Variants in SSR1 observed in about 807,000 individuals in gnomAD.
The protein encoded by SSR1 is signal sequence receptor subunit 1, also known as translocon-associated protein subunit alpha.
A neutral mutation model predicts 36.1 loss-of-function variants in SSR1; 13 were observed. The observed-to-expected ratio is 0.36, with a 90% CI of 0.23 to 0.57. The LOEUF (loss-of-function observed/expected upper bound fraction) is 0.57. Among genes scored for constraint, SSR1 ranks in the 20% least tolerant of loss-of-function variants. The pLI, the probability that SSR1 is intolerant of heterozygous loss-of-function variation, is 0.81. For missense variants in SSR1, 291 were observed against 338.5 expected, an observed-to-expected ratio of 0.86 and a Z score of 1.10; for synonymous variants, 113 against 118.9, an observed-to-expected ratio of 0.95 and a Z score of 0.32.
chr6:7,309,954 T>C lies in SSR1; in HGVS notation c.155A>G (p.Asp52Gly). 1 of 1,614,062 alleles carries C rather than the reference T, an allele frequency of 6.2e-7. No individual in the cohort carries two copies. The highest frequency in any genetic ancestry group is 1.1e-5 in the South Asian group (1 of 91,086). ...TTCATCTTCTTCTACCTCGGCTTCATCATCTTCATCCTCAATTATGGAATC... is the reference window on the plus strand; with the variant it reads ...TTCATCTTCTTCTACCTCGGCTTCACCATCTTCATCCTCAATTATGGAATC... ...VEDSIIEDED[D>G]EAEVEEDEPT... is the part of the protein sequence containing the mutation. The change falls in exon 2 of 8, where the codon GAT (aspartate) becomes GGT (glycine). Residue 52 changes from aspartate to glycine, a missense_variant. By Grantham distance (94) the Asp-to-Gly change is moderately conservative. Coordinates refer to ENST00000244763, the MANE Select transcript of SSR1 (RefSeq NM_003144.5).
intron 7 of SSR1, 137 bp from the exon 8 acceptor site, chr6:7,290,068 C>T: frequency 3.4e-6 from 2 of 592,990 alleles, no homozygotes; most frequent in Non-Finnish European, 5.5e-6. Context: ...ATAATGAATG[C>T]CTCCTATCTA....
chr6:7,304,354 G>A (rs1758006081), intron 2 of SSR1, among the ~76,000 whole-genome samples: 1 of 152,224 alleles, frequency 6.6e-6, no homozygotes, highest in Admixed American at 6.5e-5. Context: ...CTGTGTGAAA[G>A]CAGCCTCAGA....
At chr6:7,309,048 C>G (rs1465695914) in intron 2 of SSR1, among the ~76,000 whole-genome samples, 1 of 152,190 alleles carries the variant, frequency 6.6e-6, no homozygotes, top group African/African-American at 2.4e-5. Flanking sequence ...CTTCCCTGTT[C>G]CAGAAAATAC....
intron 3 of SSR1, 96 bp downstream of exon 3, chr6:7,303,454 A>G: frequency 1.3e-6 from 1 of 784,890 alleles, no homozygotes; most frequent in Non-Finnish European, 2.0e-6. Context: ...AATGCCAACA[A>G]TATTACTTTA....
At chr6:7,312,095 C>T (rs1263248261) in intron 1 of SSR1, among the ~76,000 whole-genome samples, 1 of 152,184 alleles carries the variant, frequency 6.6e-6, no homozygotes, top group Non-Finnish European at 1.5e-5. Context: ...ACACAGCTTG[C>T]TTAAACTTAC....
At chr6:7,303,815 G>A (rs113432335) in intron 2 of SSR1, among the ~76,000 whole-genome samples, 178 bp from the exon 3 acceptor site, 3,204 of 152,112 alleles carry the variant, frequency 0.021, 39 homozygotes, top group Non-Finnish European at 0.032. Context: ...GCGAAACCCC[G>A]TTCTCTACTA....
chr6:7,290,710 A>C (rs1757663310), intron 7 of SSR1, among the ~76,000 whole-genome samples: 1 of 152,032 alleles, frequency 6.6e-6, no homozygotes, highest in East Asian at 1.9e-4. Flanking sequence ...ACTGTAGAAT[A>C]AGTTAGAAAT....
intron 7 of SSR1, among the ~76,000 whole-genome samples, chr6:7,293,982 C>T (rs1177755750): frequency 1.3e-5 from 2 of 152,082 alleles, no homozygotes; most frequent in Non-Finnish European, 2.9e-5. Flanking sequence ...TTGGCACTAC[C>T]TTTTTTTCCC....
chr6:7,308,193 T>G (rs1758111828), intron 2 of SSR1, among the ~76,000 whole-genome samples: 1 of 152,054 alleles, frequency 6.6e-6, no homozygotes, highest in African/African-American at 2.4e-5. Flanking sequence ...CAGTAAGGAG[T>G]TCCTAAAGAG....
chr6:7,293,874 C>T (rs1475604108), intron 7 of SSR1, among the ~76,000 whole-genome samples: 1 of 152,162 alleles, frequency 6.6e-6, no homozygotes, highest in Non-Finnish European at 1.5e-5. Flanking sequence ...GGAGCTGAAC[C>T]TCATTCTTAA....
At chr6:7,312,025 C>G (rs955049339) in intron 1 of SSR1, among the ~76,000 whole-genome samples, 6 of 152,144 alleles carry the variant, frequency 3.9e-5, no homozygotes, top group Admixed American at 1.3e-4. Flanking sequence ...TAAACAGAAG[C>G]CAGTCACTTC....
At chr6:7,297,818 T>A in intron 6 of SSR1, 105 bp downstream of exon 6, 1 of 753,000 alleles carries the variant, frequency 1.3e-6, no homozygotes, top group Non-Finnish European at 2.2e-6. Context: ...AAGTTCTACG[T>A]ATACAAACCC....
At chr6:7,290,970 C>CAG (rs55972540) in intron 7 of SSR1, among the ~76,000 whole-genome samples, 55,942 of 151,736 alleles carry the variant, frequency 0.37, 10,339 homozygotes, top group South Asian at 0.43. Context: ...CTCCGCTCTC[C>CAG]ACCTCCTGGG....
At chr6:7,300,596 G>C (rs1757911477) in intron 4 of SSR1, among the ~76,000 whole-genome samples, 2 of 152,130 alleles carry the variant, frequency 1.3e-5, no homozygotes, top group Admixed American at 1.3e-4. Flanking sequence ...AGTAAAATGG[G>C]CAAAATGCAA....
chr6:7,305,136 T>G (rs1758027934), intron 2 of SSR1, among the ~76,000 whole-genome samples: 1 of 151,948 alleles, frequency 6.6e-6, no homozygotes, highest in Non-Finnish European at 1.5e-5. Context: ...GCAAGAGAAA[T>G]CCCTGATATC....
At chr6:7,306,292 A>G (rs971760864) in intron 2 of SSR1, among the ~76,000 whole-genome samples, 20 of 151,872 alleles carry the variant, frequency 1.3e-4, no homozygotes, top group South Asian at 2.1e-4. Flanking sequence ...ACAGGTGCCC[A>G]CCACCACACC....
chr6:7,290,204 A>G (rs9505118), intron 7 of SSR1, among the ~76,000 whole-genome samples: 56,279 of 152,160 alleles, frequency 0.37, 10,485 homozygotes, highest in South Asian at 0.43. Flanking sequence ...TGAAGACACC[A>G]TGCAAAATCT....
In SSR1 at chr6:7,309,918, A is replaced by G; in HGVS notation, c.191T>C (p.Leu64Ser). ...AEVEEDEPTD[L>S]VEDKEEEDVS... is the part of the protein sequence containing the mutation. ...TATTAAATAGTATGTAACACTAACC[A>G]AATCTGTGGGTTCATCTTCTTCTAC... The change falls in exon 2 of 8, where the codon TTG becomes TCG. Residue 64 changes from leucine (L) to serine (S), a missense_variant and splice_region_variant. Transcript: ENST00000244763. The G allele has an allele frequency of 6.2e-7, 1 of 1,609,374 alleles. No individual in the cohort carries two copies. The highest frequency in any genetic ancestry group is 1.3e-5 in the African/African-American group (1 of 74,904).
In SSR1 at chr6:7,296,454, GAGAA is replaced by G. The variant is rs1189987296; in HGVS notation, c.700-973_700-970del. On this transcript the variant is annotated intron_variant, in intron 6 of 7. Transcript: ENST00000244763. Reference sequence around the variant, plus strand: ...AAACACAAAGTATTTCTCTTTTAAAGAGAAAGAGCTTATTAATAACATTCATTGT... The same window carrying G: ...AAACACAAAGTATTTCTCTTTTAAAGAGAGCTTATTAATAACATTCATTGT... Among the ~76,000 whole-genome samples the G allele has an allele frequency of 2.6e-5, 4 of 152,298 alleles. No homozygotes were observed. In the East Asian group the frequency reaches 7.7e-4, roughly 29 times the overall value.
Sources: gnomAD v4.1 joint callset for allele counts (sites outside exome capture counted in the v4.1 genomes callset) on GRCh38, gnomAD v4.1.1 for gene constraint, MANE v1.5 for transcripts, NCBI Gene and HGNC (gene_info 2026-07-23, HGNC 2026-07-21) for gene names.